SLCO1B3: variants seen among roughly 807,000 people sequenced by gnomAD.
SLCO1B3 encodes liver-specific organic anion transporter 2.
SLCO1B3 carries 72 observed loss-of-function variants against 71.8 expected under a neutral mutation model. The ratio of observed to expected loss-of-function variants is 1.00; its 90% CI spans 0.83 to 1.22. The LOEUF is 1.22. Ranked by LOEUF, SLCO1B3 falls within the 50% of genes most tolerant of loss-of-function variation. SLCO1B3 has a pLI of 0.00. For synonymous variants in SLCO1B3, 298 were observed against 278.4 expected (o/e 1.07, Z -0.70); for missense variants, 911 against 819.7 (o/e 1.11, Z -1.36).
At position 20,825,442 on chromosome 12, in the gene SLCO1B3, C is replaced by T. The variant is rs142750794; in HGVS notation, c.84+9620C>T. ...GAAGATGAGGGTTTGACTGGTGTTA[C>T]GGTTTAAGATTTAGCAGGACTTGGT... On this transcript the variant is annotated intron_variant, in intron 3 of 15. Transcript: ENST00000381545. 1.2e-3 allele frequency among the ~76,000 whole-genome samples: 182 copies of T among 152,148 alleles called. 4 individuals carry two copies. In the South Asian group the frequency reaches 0.033, roughly 28 times the overall value.
intron 3 of SLCO1B3, among the ~76,000 whole-genome samples, chr12:20,818,076 C>T (rs1210417025): frequency 1.3e-5 from 2 of 152,142 alleles, no homozygotes; most frequent in East Asian, 3.9e-4. Context: ...TTTTGGGGCA[C>T]AGTCTAAGTT....
chr12:20,813,936 T>C (rs1864147692), intron 2 of SLCO1B3, among the ~76,000 whole-genome samples: 1 of 152,194 alleles, frequency 6.6e-6, no homozygotes, highest in Admixed American at 6.5e-5. Flanking sequence ...ATCATACATA[T>C]TATATAATCA....
chr12:20,880,757 CTCT>C (rs527767693), intron 11 of SLCO1B3, 95 bp from the exon 12 acceptor site: 138 of 671,096 alleles, frequency 2.1e-4, no homozygotes, highest in Non-Finnish European at 3.1e-4. Flanking sequence ...CTTCCTCCTC[CTCT>C]ATTTCCCCTC....
chr12:20,883,658 G>A, intron 13 of SLCO1B3, 56 bp downstream of exon 13: 1 of 1,102,646 alleles, frequency 9.1e-7, no homozygotes, highest in Non-Finnish European at 1.3e-6. Context: ...CACACCTAAT[G>A]ATAGGCATAT....
intron 3 of SLCO1B3, among the ~76,000 whole-genome samples, chr12:20,852,624 T>TA (rs1449966931): frequency 6.6e-6 from 1 of 152,246 alleles, no homozygotes; most frequent in Non-Finnish European, 1.5e-5. Context: ...ATTTTGGTAA[T>TA]ATTTAATAGG....
At chr12:20,897,321 T>C (rs1040872838) in intron 13 of SLCO1B3, among the ~76,000 whole-genome samples, 3 of 152,258 alleles carry the variant, frequency 2.0e-5, no homozygotes, top group Non-Finnish European at 4.4e-5. Flanking sequence ...CGCTATTGAA[T>C]TCTTTTCAGA....
At chr12:20,833,810 ATATC>A (rs942167473) in intron 3 of SLCO1B3, among the ~76,000 whole-genome samples, 74 of 147,150 alleles carry the variant, frequency 5.0e-4, no homozygotes, top group African/African-American at 1.8e-3. Flanking sequence ...GTGTGTGTAT[ATATC>A]TATATATGCA....
chr12:20,916,082 G>T lies in SLCO1B3; in HGVS notation c.1944G>T (p.Lys648Asn), dbSNP rs561006699. Reference protein sequence around the residue: ...VLYIVFIFAMKKKFQGKDTKA... With the variant: ...VLYIVFIFAMNKKFQGKDTKA... Reference sequence around the variant, plus strand: ...ATATTGTTTTCATTTTTGCTATGAAGAAAAAATTTCAAGGAAAAGATACCA... The same window carrying T: ...ATATTGTTTTCATTTTTGCTATGAATAAAAAATTTCAAGGAAAAGATACCA... Residue 648 changes from lysine (K) to asparagine (N), a missense_variant, in exon 16 of 16, where the codon AAG (lysine) becomes AAT (asparagine). Transcript: ENST00000381545. 6.2e-7 allele frequency: 1 copy of T among 1,612,890 alleles called. No homozygotes were observed. Among genetic ancestry groups the T allele is most frequent in the Non-Finnish European group, 8.5e-7 (1 of 1,179,226 alleles).
intron 3 of SLCO1B3, among the ~76,000 whole-genome samples, chr12:20,837,097 A>G (rs7966524): frequency 0.72 from 108,973 of 152,016 alleles, 41,931 homozygotes; most frequent in South Asian, 0.9. Context: ...AATTGCAGGT[A>G]TAGTTTTTTC....
At chr12:20,816,252 A>G (rs1224010144) in intron 3 of SLCO1B3, among the ~76,000 whole-genome samples, 1 of 152,176 alleles carries the variant, frequency 6.6e-6, no homozygotes, top group African/African-American at 2.4e-5. Context: ...TAAGTAATTG[A>G]CTATAGTCAC....
At chr12:20,884,736 CG>C in intron 13 of SLCO1B3, among the ~76,000 whole-genome samples, 2 of 151,402 alleles carry the variant, frequency 1.3e-5, no homozygotes, top group African/African-American at 4.8e-5. Flanking sequence ...ACTAGTTGAT[CG>C]GAAGTTCATG....
intron 3 of SLCO1B3, among the ~76,000 whole-genome samples, chr12:20,817,414 C>CA (rs1864211724): frequency 6.6e-6 from 1 of 152,088 alleles, no homozygotes; most frequent in African/African-American, 2.4e-5. Flanking sequence ...TAGTTTCATC[C>CA]TAGCACCATT....
At chr12:20,830,071 G>T (rs1864507467) in intron 3 of SLCO1B3, among the ~76,000 whole-genome samples, 1 of 152,106 alleles carries the variant, frequency 6.6e-6, no homozygotes, top group South Asian at 2.1e-4. Context: ...AGCCCAGTAG[G>T]TTTCAGCCTC....
chr12:20,822,391 C>G (rs973028411), intron 3 of SLCO1B3, among the ~76,000 whole-genome samples: 2 of 151,566 alleles, frequency 1.3e-5, no homozygotes, highest in African/African-American at 4.8e-5. Flanking sequence ...GCGGGGGTCA[C>G]AAGGTGCTCG....
intron 8 of SLCO1B3, 99 bp from the exon 9 acceptor site, chr12:20,875,136 T>C: frequency 1.5e-6 from 2 of 1,376,452 alleles, no homozygotes. Flanking sequence ...TGGTTTACTT[T>C]CTTCATCTAT....
chr12:20,844,145 A>ATG (rs915655493), intron 3 of SLCO1B3, among the ~76,000 whole-genome samples: 19 of 151,834 alleles, frequency 1.3e-4, no homozygotes, highest in South Asian at 6.2e-4. Flanking sequence ...GTGTATATAT[A>ATG]TGTGTGTGTG....
chr12:20,844,561 C>A (rs2121185150), intron 3 of SLCO1B3, among the ~76,000 whole-genome samples: 1 of 151,844 alleles, frequency 6.6e-6, no homozygotes, highest in South Asian at 2.1e-4. Flanking sequence ...GAGCAAGCAT[C>A]TGTCTCAAAG....
intron 8 of SLCO1B3, among the ~76,000 whole-genome samples, chr12:20,872,412 T>C (rs1420454902): frequency 6.6e-6 from 1 of 151,896 alleles, no homozygotes; most frequent in Non-Finnish European, 1.5e-5. Flanking sequence ...AGCCTTCTTG[T>C]TGCTCTGTTC....
chr12:20,905,036 A>G (rs563673536), intron 15 of SLCO1B3, among the ~76,000 whole-genome samples: 1 of 151,704 alleles, frequency 6.6e-6, no homozygotes, highest in African/African-American at 2.4e-5. Flanking sequence ...CCAAACCTCA[A>G]CTCTTGCTTT....
Sources: gnomAD v4.1 joint callset for allele counts (sites outside exome capture counted in the v4.1 genomes callset) on GRCh38, gnomAD v4.1.1 for gene constraint, MANE v1.5 for transcripts, NCBI Gene and HGNC (gene_info 2026-07-23, HGNC 2026-07-21) for gene names.